Variants in TNS3 observed in about 807,000 individuals in gnomAD.
TNS3 encodes tensin-3.
A neutral mutation model predicts 140.9 loss-of-function variants in TNS3; 45 were observed. That is an observed-to-expected ratio of 0.32 (90% CI 0.25 to 0.41). The LOEUF is 0.41. Among genes scored for constraint, TNS3 ranks in the 10% least tolerant of loss-of-function variants. The probability of loss-of-function intolerance (pLI) is 1.00; values close to 1 mark genes in which losing one functional copy is unlikely to be tolerated. For missense variants in TNS3, 1,716 were observed against 1,906.7 expected (o/e 0.90, Z 1.86); for synonymous variants, 815 against 788.4 (o/e 1.03, Z -0.56).
intron 4 of TNS3, among the ~76,000 whole-genome samples, chr7:47,446,754 C>G (rs117670036): frequency 0.017 from 2,291 of 134,150 alleles, 27 homozygotes; most frequent in Non-Finnish European, 0.024. Context: ...GTGGCATGAT[C>G]ACGGCTGACT....
intron 17 of TNS3, among the ~76,000 whole-genome samples, chr7:47,349,924 G>A (rs1213694304): frequency 1.3e-5 from 2 of 152,194 alleles, no homozygotes; most frequent in South Asian, 2.1e-4. Context: ...CCATTAAGGC[G>A]GCCTGCTACG....
At chr7:47,298,261 G>A (rs1020284274) in intron 23 of TNS3, among the ~76,000 whole-genome samples, 1 of 152,212 alleles carries the variant, frequency 6.6e-6, no homozygotes, top group African/African-American at 2.4e-5. Flanking sequence ...CAGCCTGGAT[G>A]GGGCTGAGGA....
intron 1 of TNS3, among the ~76,000 whole-genome samples, chr7:47,580,204 G>A (rs1562867715): frequency 6.6e-6 from 1 of 152,114 alleles, no homozygotes; most frequent in Non-Finnish European, 1.5e-5. Flanking sequence ...CAGGGGTCTG[G>A]GACCCTAGAG....
chr7:47,321,503 A>G (rs1787735373), intron 20 of TNS3, among the ~76,000 whole-genome samples: 1 of 152,208 alleles, frequency 6.6e-6, no homozygotes, highest in Admixed American at 6.5e-5. Context: ...AGGGCCTTCC[A>G]GCAAAGCTTT....
intron 4 of TNS3, chr7:47,453,104 G>T: frequency 1.0e-6 from 1 of 985,672 alleles, no homozygotes; most frequent in Non-Finnish European, 1.2e-6. Context: ...CCAGGTGGGA[G>T]AGCCTGGTGA....
chr7:47,563,158 T>C (rs1255901526), intron 1 of TNS3, among the ~76,000 whole-genome samples: 1 of 152,172 alleles, frequency 6.6e-6, no homozygotes, highest in Admixed American at 6.5e-5. Flanking sequence ...GATGGAGTGG[T>C]CACAGCCAGG....
In TNS3 at chr7:47,508,753, A is replaced by G. The variant is rs118055429; in HGVS notation, c.-152-1809T>C. On this transcript the variant is annotated intron_variant, in intron 2 of 30. Transcript: ENST00000311160. ...GATGGTGTGTGACTTTTGTGGCTAA[A>G]AGACATCGTGACTTCTGTCCTGGTC... Among the ~76,000 whole-genome samples the G allele has an allele frequency of 9.5e-3, 1,442 of 152,318 alleles. 6 individuals carry two copies. The highest frequency in any genetic ancestry group is 0.02 in the Middle Eastern group (6 of 294).
intron 4 of TNS3, among the ~76,000 whole-genome samples, chr7:47,460,028 A>G (rs537018960): frequency 1.3e-5 from 2 of 152,200 alleles, no homozygotes; most frequent in South Asian, 4.2e-4. Flanking sequence ...CCTGGCTAAC[A>G]CGGTGAAACC....
chr7:47,302,941 C>T lies in TNS3; in HGVS notation c.3457+9G>A. The T allele has an allele frequency of 6.3e-7, 1 of 1,587,776 alleles. No homozygotes were observed. The highest frequency in any genetic ancestry group is 1.2e-5 in the South Asian group (1 of 86,840). On this transcript the variant is annotated intron_variant, in intron 22 of 30. Coordinates refer to ENST00000311160, the MANE Select transcript of TNS3 (RefSeq NM_022748.12). ...AGGGGCCCTTCCAACCAGCTGGAAACACACCTACCTGGCAGAGGTGAGGCC... is the reference window on the plus strand; with the variant it reads ...AGGGGCCCTTCCAACCAGCTGGAAATACACCTACCTGGCAGAGGTGAGGCC...
intron 1 of TNS3, among the ~76,000 whole-genome samples, chr7:47,543,155 G>GA (rs1412185765): frequency 6.6e-6 from 1 of 152,176 alleles, no homozygotes; most frequent in Non-Finnish European, 1.5e-5. Flanking sequence ...CAGACTTTGG[G>GA]AAAATCCTCC....
chr7:47,290,832 T>C (rs1022952230), intron 27 of TNS3, among the ~76,000 whole-genome samples: 1 of 152,212 alleles, frequency 6.6e-6, no homozygotes, highest in Admixed American at 6.5e-5. Context: ...CGCTCCTTGG[T>C]ATCTACGCAC....
intron 24 of TNS3, among the ~76,000 whole-genome samples, chr7:47,295,811 T>C (rs1185604277): frequency 1.3e-5 from 2 of 152,132 alleles, no homozygotes; most frequent in Non-Finnish European, 2.9e-5. Context: ...AGCCAAATCA[T>C]ACATTCCACA....
At chr7:47,405,471 C>T (rs2151376507) in intron 13 of TNS3, 1 of 702,620 alleles carries the variant, frequency 1.4e-6, no homozygotes, top group Non-Finnish European at 2.6e-6. Flanking sequence ...AGGTCAAAGA[C>T]TTAAGTCAGG....
chr7:47,492,684 T>G (rs1384515167), intron 3 of TNS3, among the ~76,000 whole-genome samples: 1 of 152,254 alleles, frequency 6.6e-6, no homozygotes, highest in Non-Finnish European at 1.5e-5. Context: ...TAATATCCTC[T>G]TCTTATTTTA....
intron 1 of TNS3, among the ~76,000 whole-genome samples, chr7:47,549,427 G>A (rs552588850): frequency 6.6e-5 from 10 of 152,000 alleles, no homozygotes; most frequent in Admixed American, 5.9e-4. Context: ...CCCAGGAGGC[G>A]GAGGTTGCAG....
At chr7:47,486,329 A>G (rs1409510731) in intron 3 of TNS3, among the ~76,000 whole-genome samples, 1 of 151,516 alleles carries the variant, frequency 6.6e-6, no homozygotes, top group African/African-American at 2.4e-5. Context: ...GTTTCTATGT[A>G]TGCCTATGCC....
chr7:47,327,757 C>G (rs1007819436), intron 20 of TNS3, among the ~76,000 whole-genome samples: 7 of 152,292 alleles, frequency 4.6e-5, no homozygotes, highest in Admixed American at 3.9e-4. Flanking sequence ...GACAAGGGGA[C>G]TCTTGGAACA....
intron 4 of TNS3, among the ~76,000 whole-genome samples, chr7:47,464,711 T>G (rs975199571): frequency 6.6e-6 from 1 of 152,198 alleles, no homozygotes. Flanking sequence ...TCCACTGACC[T>G]AAAATATTTG....
chr7:47,352,118 C>G (rs1255150057), intron 17 of TNS3, among the ~76,000 whole-genome samples: 1 of 143,762 alleles, frequency 7.0e-6, no homozygotes, highest in Non-Finnish European at 1.5e-5. Context: ...CACTCTTAGT[C>G]TCTCACACAC....
Sources: gnomAD v4.1 joint callset for allele counts (sites outside exome capture counted in the v4.1 genomes callset) on GRCh38, gnomAD v4.1.1 for gene constraint, MANE v1.5 for transcripts, NCBI Gene and HGNC (gene_info 2026-07-23, HGNC 2026-07-21) for gene names.